The following EXOC2 variants were observed in gnomAD, a reference collection of about 807,000 sequenced individuals.
The protein encoded by EXOC2 is exocyst complex component 2.
In EXOC2, 70 loss-of-function variants were observed where a neutral mutation model predicts 131.8. That is an observed-to-expected ratio of 0.53 (90% CI 0.44 to 0.65). The LOEUF (loss-of-function observed/expected upper bound fraction) is 0.65. Ranked by LOEUF, EXOC2 falls within the 30% of genes least tolerant of loss-of-function variation. EXOC2 has a pLI of 0.00. For missense variants in EXOC2, 923 were observed against 1,108.6 expected, an observed-to-expected ratio of 0.83 and a Z score of 2.38; for synonymous variants, 411 against 398.4, an observed-to-expected ratio of 1.03 and a Z score of -0.38.
chr6:523,194 G>A (rs910829832), intron 23 of EXOC2, among the ~76,000 whole-genome samples: 2 of 152,228 alleles, frequency 1.3e-5, no homozygotes, highest in Non-Finnish European at 2.9e-5. Flanking sequence ...TGCTGGCCAA[G>A]GGGGTGTGTC....
intron 1 of EXOC2, among the ~76,000 whole-genome samples, chr6:673,828 C>T (rs35857639): frequency 0.09 from 13,749 of 152,094 alleles, 701 homozygotes; most frequent in Admixed American, 0.13. Context: ...CAAAATGTGA[C>T]GCAGAGACAT....
rs758584575 is a variant in EXOC2 at position 598,943 on chromosome 6, T to G, written c.889-2A>C. ...ATTAATAACCACATCATAATCACCCTTTAAAATAAAGAAACATTTTGAAAA... is the reference window on the plus strand; with the variant it reads ...ATTAATAACCACATCATAATCACCCGTTAAAATAAAGAAACATTTTGAAAA... On this transcript the variant is annotated splice_acceptor_variant, in intron 8 of 27. Transcript: ENST00000230449. LOFTEE classifies it high-confidence loss of function. The G allele has an allele frequency of 6.3e-7, 1 of 1,597,760 alleles. No homozygotes were observed. The highest frequency in any genetic ancestry group is 8.5e-7 in the Non-Finnish European group (1 of 1,175,174).
intron 4 of EXOC2, among the ~76,000 whole-genome samples, chr6:623,330 AT>A: frequency 6.6e-6 from 1 of 152,170 alleles, no homozygotes; most frequent in East Asian, 1.9e-4. Flanking sequence ...GCCAGGTACA[AT>A]TTGAAAAGCA....
At chr6:504,277 G>A (rs1376467842) in intron 23 of EXOC2, among the ~76,000 whole-genome samples, 1 of 152,240 alleles carries the variant, frequency 6.6e-6, no homozygotes, top group African/African-American at 2.4e-5. Context: ...TGGGAGGTCA[G>A]ACGGAGAAGG....
intron 22 of EXOC2, among the ~76,000 whole-genome samples, chr6:547,843 GA>G (rs1756945522): frequency 6.6e-6 from 1 of 152,088 alleles, no homozygotes; most frequent in Non-Finnish European, 1.5e-5. Context: ...CAAAGACAAG[GA>G]AGGATATGAA....
intron 1 of EXOC2, among the ~76,000 whole-genome samples, chr6:665,295 G>A (rs1763591217): frequency 2.0e-5 from 3 of 152,178 alleles, no homozygotes; most frequent in South Asian, 2.1e-4. Context: ...ACATGTTGGT[G>A]TAGATGCGGT....
intron 12 of EXOC2, among the ~76,000 whole-genome samples, chr6:573,851 C>T (rs1014154948): frequency 7.2e-5 from 11 of 152,308 alleles, no homozygotes; most frequent in Admixed American, 3.9e-4. Flanking sequence ...CCGGAAGAAA[C>T]CACTGTCACT....
intron 22 of EXOC2, among the ~76,000 whole-genome samples, chr6:548,037 A>T (rs1756953087): frequency 6.6e-6 from 1 of 152,200 alleles, no homozygotes; most frequent in Non-Finnish European, 1.5e-5. Context: ...TATTCATGTC[A>T]TTGTTGTTAT....
At chr6:507,397 C>A in intron 23 of EXOC2, among the ~76,000 whole-genome samples, 1 of 150,820 alleles carries the variant, frequency 6.6e-6, no homozygotes, top group Non-Finnish European at 1.5e-5. Context: ...TCCTGCACTC[C>A]CAGGGATTGC....
intron 16 of EXOC2, 77 bp from the exon 17 acceptor site, chr6:562,922 G>T (rs1338477553): frequency 9.5e-7 from 1 of 1,054,902 alleles, no homozygotes; most frequent in Non-Finnish European, 1.3e-6. Context: ...ATGTATACAG[G>T]TTATGGTTTT....
chr6:515,282 A>G (rs907012290), intron 23 of EXOC2, among the ~76,000 whole-genome samples: 1 of 152,150 alleles, frequency 6.6e-6, no homozygotes, highest in African/African-American at 2.4e-5. Flanking sequence ...CGCAAACAAA[A>G]CCAGGAAGGT....
chr6:649,045 G>A (rs539551840), intron 1 of EXOC2, among the ~76,000 whole-genome samples: 1 of 152,038 alleles, frequency 6.6e-6, no homozygotes, highest in Non-Finnish European at 1.5e-5. Context: ...ACGGAGCCTC[G>A]TTGTGTTTCC....
At chr6:571,283 G>A (rs953228844) in intron 13 of EXOC2, among the ~76,000 whole-genome samples, 3 of 152,198 alleles carry the variant, frequency 2.0e-5, no homozygotes, top group South Asian at 2.1e-4. Flanking sequence ...AAAATGCATT[G>A]ATAAGTTGTG....
chr6:489,626 C>G (rs1404459550), intron 26 of EXOC2, among the ~76,000 whole-genome samples: 1 of 152,118 alleles, frequency 6.6e-6, no homozygotes, highest in East Asian at 1.9e-4. Context: ...TTAGCTTTTA[C>G]AAGGAGAAAG....
intron 1 of EXOC2, among the ~76,000 whole-genome samples, chr6:690,515 G>A (rs1203904128): frequency 6.6e-6 from 1 of 151,970 alleles, no homozygotes; most frequent in Non-Finnish European, 1.5e-5. Flanking sequence ...CACGAGGATC[G>A]CGACGGTGAA....
intron 7 of EXOC2, among the ~76,000 whole-genome samples, chr6:609,738 G>A (rs911571835): frequency 3.3e-5 from 5 of 152,242 alleles, no homozygotes; most frequent in Admixed American, 2.6e-4. Context: ...GCTGGGAGAC[G>A]CCTGATGATG....
rs1757651953 is a variant in EXOC2 at position 560,704 on chromosome 6, T to C, written c.1851+2080A>G. 1.3e-5 allele frequency among the ~76,000 whole-genome samples: 2 copies of C among 151,914 alleles called. 1 individual carries two copies. The highest frequency in any genetic ancestry group is 2.9e-5 in the Non-Finnish European group (2 of 67,964). On this transcript the variant is annotated intron_variant, in intron 17 of 27. Transcript: ENST00000230449. Reference sequence around the variant, plus strand: ...AATAGAAACCCAATCGATTAAAATTTTCTTTCTTTTTTTTTTTTTGAGATG... The same window carrying C: ...AATAGAAACCCAATCGATTAAAATTCTCTTTCTTTTTTTTTTTTTGAGATG...
chr6:560,726 G>C (rs1352555561), intron 17 of EXOC2, among the ~76,000 whole-genome samples: 1 of 149,372 alleles, frequency 6.7e-6, no homozygotes, highest in Non-Finnish European at 1.5e-5. Context: ...TTTTTTTTGA[G>C]ATGAGAGTTT....
At chr6:515,906 T>G (rs1483057840) in intron 23 of EXOC2, among the ~76,000 whole-genome samples, 1 of 152,230 alleles carries the variant, frequency 6.6e-6, no homozygotes, top group Non-Finnish European at 1.5e-5. Flanking sequence ...ACTGTTGTGA[T>G]TTAATCCCTT....
Sources: gnomAD v4.1 joint callset for allele counts (sites outside exome capture counted in the v4.1 genomes callset) on GRCh38, gnomAD v4.1.1 for gene constraint, MANE v1.5 for transcripts, NCBI Gene and HGNC (gene_info 2026-07-23, HGNC 2026-07-21) for gene names.